Variants in SLC8A3 observed in about 807,000 individuals in gnomAD.
SLC8A3 encodes solute carrier family 8 member A3.
In SLC8A3, 37 loss-of-function variants were observed where a neutral mutation model predicts 65.4. The ratio of observed to expected loss-of-function variants is 0.57; its 90% CI spans 0.44 to 0.74. The LOEUF is 0.74. Ranked by LOEUF, SLC8A3 falls within the 30% of genes least tolerant of loss-of-function variation. The probability of loss-of-function intolerance (pLI) is 0.00; values close to 1 mark genes in which losing one functional copy is unlikely to be tolerated. For synonymous variants in SLC8A3, 461 were observed against 444.5 expected, an observed-to-expected ratio of 1.04 and a Z score of -0.47; for missense variants, 1,112 against 1,172.1, an observed-to-expected ratio of 0.95 and a Z score of 0.75.
At chr14:70,093,539 A>G (rs561450129) in intron 2 of SLC8A3, among the ~76,000 whole-genome samples, 33 of 152,356 alleles carry the variant, frequency 2.2e-4, no homozygotes, top group South Asian at 4.1e-4. Flanking sequence ...TTGTTGTCAA[A>G]TCCTTTCTCA....
At chr14:70,098,954 G>A (rs1161980963) in intron 2 of SLC8A3, among the ~76,000 whole-genome samples, 2 of 152,152 alleles carry the variant, frequency 1.3e-5, no homozygotes, top group Non-Finnish European at 2.9e-5. Flanking sequence ...GCAGCCCACG[G>A]TTCTCCGGGC....
intron 2 of SLC8A3, among the ~76,000 whole-genome samples, chr14:70,159,350 G>A (rs1253371092): frequency 6.7e-6 from 1 of 149,152 alleles, no homozygotes; most frequent in East Asian, 2.0e-4. Context: ...AGAGGTTGCA[G>A]TGAGCTCAGA....
rs775338590 is a variant in SLC8A3, at chr14:70,166,763, G to A, written c.1660C>T (p.Arg554Trp). The A allele has an allele frequency of 1.5e-5, 25 of 1,613,652 alleles. No homozygotes were observed. Among genetic ancestry groups the A allele is most frequent in the East Asian group, 2.2e-5 (1 of 44,894 alleles). ...SIGVMEVKVL[R>W]TSGARGTVIV... ...ACTGTACCCCGGGCACCTGATGTCCGCAGAACCTTGACCTCCATAACACCA... is the reference window on the plus strand; with the variant it reads ...ACTGTACCCCGGGCACCTGATGTCCACAGAACCTTGACCTCCATAACACCA... Residue 554 changes from arginine to tryptophan, a missense_variant, in exon 2 of 7, where the codon CGG becomes TGG. Arg to Trp is a moderately radical substitution (Grantham distance 101, BLOSUM62 -3). Coordinates refer to ENST00000356921, the MANE Select transcript of SLC8A3 (RefSeq NM_182932.3).
chr14:70,144,693 G>C (rs182926924), intron 2 of SLC8A3, among the ~76,000 whole-genome samples: 1 of 151,408 alleles, frequency 6.6e-6, no homozygotes, highest in East Asian at 1.9e-4. Context: ...TCTCCAAAAA[G>C]AAGTCTCTTG....
chr14:70,084,365 C>A (rs1163071459), intron 2 of SLC8A3, among the ~76,000 whole-genome samples: 1 of 152,184 alleles, frequency 6.6e-6, no homozygotes, highest in Non-Finnish European at 1.5e-5. Context: ...GTTTCAGTGT[C>A]TGCTGTTGTC....
In SLC8A3 at chr14:70,173,119, C is replaced by T. The variant is rs185293455; in HGVS notation, c.-62-4635G>A. 1.1e-3 allele frequency among the ~76,000 whole-genome samples: 161 copies of T among 152,192 alleles called. 2 individuals are homozygous for T. The highest frequency in any genetic ancestry group is 5.9e-5 in the Non-Finnish European group (4 of 68,012). The stretch of plus-strand genomic sequence containing the variant: ...AGAAGACAGGGTTTTATTCTAAGGG[C>T]AATGAAAAGCCAGTGATAGGGTTGT... On this transcript the variant is annotated intron_variant, in intron 1 of 6. Coordinates refer to ENST00000356921, the MANE Select transcript of SLC8A3 (RefSeq NM_182932.3).
At position 70,044,331 on chromosome 14, in the gene SLC8A3, T is replaced by C. The variant is rs1358934658; in HGVS notation, c.*1616A>G. On this transcript the variant is annotated 3_prime_UTR_variant, in exon 7 of 7. Coordinates refer to ENST00000356921, the MANE Select transcript of SLC8A3 (RefSeq NM_182932.3). ...GCACTGTTTCTTTTTTAATTATTTT[T>C]TTCTTAAAAAATGTGTTTAAAATTA... 6.6e-6 allele frequency: 1 copy of C among 152,178 alleles called. No individual in the cohort carries two copies. Among genetic ancestry groups the C allele is most frequent in the African/African-American group, 2.4e-5 (1 of 41,444 alleles). 9.4% of individuals were successfully genotyped at this position (152,178 alleles called of 1,614,324 possible).
At chr14:70,047,502 A>G (rs8010945) in intron 6 of SLC8A3, 35,930 of 152,116 alleles carry the variant, frequency 0.24, 4,360 homozygotes, top group African/African-American at 0.27. Flanking sequence ...TCATCCATCT[A>G]ATTTCCAACC....
chr14:70,075,485 C>T (rs901644927), intron 2 of SLC8A3, among the ~76,000 whole-genome samples: 2 of 152,116 alleles, frequency 1.3e-5, no homozygotes, highest in African/African-American at 2.4e-5. Flanking sequence ...AAGGTGGTGT[C>T]CAGTTTTCTC....
intron 3 of SLC8A3, among the ~76,000 whole-genome samples, chr14:70,053,347 G>A (rs762570216): frequency 6.6e-6 from 1 of 152,184 alleles, no homozygotes; most frequent in Non-Finnish European, 1.5e-5. Flanking sequence ...TAATTCTGAA[G>A]GTAAATCTGG....
intron 2 of SLC8A3, among the ~76,000 whole-genome samples, chr14:70,140,644 T>G (rs1895506969): frequency 6.6e-6 from 1 of 152,204 alleles, no homozygotes; most frequent in Non-Finnish European, 1.5e-5. Context: ...AACAAGGTAT[T>G]GTGATGATTT....
chr14:70,157,428 T>G (rs1418194482), intron 2 of SLC8A3, among the ~76,000 whole-genome samples: 1 of 152,044 alleles, frequency 6.6e-6, no homozygotes, highest in Non-Finnish European at 1.5e-5. Flanking sequence ...GGCAACCAGC[T>G]CATATGTGGT....
chr14:70,084,039 T>TCTATA (rs1321112482), intron 2 of SLC8A3, among the ~76,000 whole-genome samples: 2 of 152,232 alleles, frequency 1.3e-5, no homozygotes, highest in Non-Finnish European at 2.9e-5. Context: ...GAAAAGCACC[T>TCTATA]TTTTAAGCCT....
intron 5 of SLC8A3, 124 bp from the exon 6 acceptor site, chr14:70,049,166 G>T: frequency 2.1e-6 from 2 of 975,596 alleles, no homozygotes; most frequent in Non-Finnish European, 3.0e-6. Flanking sequence ...TGTCTTCTGG[G>T]CAGCTGGTGG....
chr14:70,161,282 C>T (rs766604479), intron 2 of SLC8A3, among the ~76,000 whole-genome samples: 7 of 84,640 alleles, frequency 8.3e-5, no homozygotes, highest in Non-Finnish European at 1.6e-4. Context: ...GAGCGAGACT[C>T]CATCTCAAAA....
intron 2 of SLC8A3, among the ~76,000 whole-genome samples, chr14:70,062,110 C>T (rs374834384): frequency 2.9e-3 from 2 of 694 alleles, no homozygotes; most frequent in African/African-American, 7.8e-3. Flanking sequence ...TTCTTTTTGG[C>T]GGGGGGCGGG....
Position 70,049,041 on chromosome 14 carries a change from T to C in SLC8A3, c.2115A>G (p.Ala705=), listed in dbSNP as rs776990467. The C allele has an allele frequency of 4.4e-6, 7 of 1,600,786 alleles. No individual in the cohort carries two copies. The highest frequency in any genetic ancestry group is 6.0e-6 in the Non-Finnish European group (7 of 1,171,868). Residue 705 remains alanine (A), a splice_region_variant and synonymous_variant, in exon 6 of 7, where the codon GCA becomes GCG. Transcript: ENST00000356921. The stretch of plus-strand genomic sequence containing the variant: ...CGGATTCATCCTCATCCTCATCCCC[T>C]GCTGAAGGCAAGATAAACAGGCAAG... ...QFMEAITVSA[A]GDEDEDESGE...
chr14:70,153,238 T>A (rs1310055616), intron 2 of SLC8A3, among the ~76,000 whole-genome samples: 4 of 151,894 alleles, frequency 2.6e-5, no homozygotes, highest in African/African-American at 9.7e-5. Context: ...CATTCATTCA[T>A]TCATTCTGCA....
At chr14:70,047,871 A>G (rs1048651951) in intron 6 of SLC8A3, 1 of 152,240 alleles carries the variant, frequency 6.6e-6, no homozygotes. Context: ...TAACTCCTAC[A>G]TTCAGGCCCA....
Sources: gnomAD v4.1 joint callset for allele counts (sites outside exome capture counted in the v4.1 genomes callset) on GRCh38, gnomAD v4.1.1 for gene constraint, MANE v1.5 for transcripts, NCBI Gene and HGNC (gene_info 2026-07-23, HGNC 2026-07-21) for gene names.